The following SCHIP1 variants were observed in gnomAD, a reference collection of about 807,000 sequenced individuals.
The protein encoded by SCHIP1 is schwannomin-interacting protein 1.
In SCHIP1, 8 loss-of-function variants were observed where a neutral mutation model predicts 29.7. That is an observed-to-expected ratio of 0.27 (90% confidence interval 0.16 to 0.49). SCHIP1 has a LOEUF of 0.49. Ranked by LOEUF, SCHIP1 falls within the 20% of genes least tolerant of loss-of-function variation. The probability of loss-of-function intolerance (pLI) is 0.99; values close to 1 mark genes in which losing one functional copy is unlikely to be tolerated. For missense variants in SCHIP1, 193 were observed against 294.6 expected (o/e 0.66, Z 2.52); for synonymous variants, 76 against 94.9 (o/e 0.80, Z 1.16).
chr3:159,587,414 C>A, the SCHIP1 span, among the ~76,000 whole-genome samples: 31,023 of 151,600 alleles, frequency 0.2, 8,625 homozygotes, highest in African/African-American at 0.63. Flanking sequence ...TACCCAGAGG[C>A]AATCACTGCT....
the SCHIP1 span, among the ~76,000 whole-genome samples, chr3:159,704,884 C>CTTTCTTTCTTTCTTTA: frequency 2.5e-5 from 2 of 81,484 alleles, no homozygotes; most frequent in Non-Finnish European, 4.3e-5. Context: ...TTCTTTCTTT[C>CTTTCTTTCTTTCTTTA]TTTCTTTCTT....
the SCHIP1 span, among the ~76,000 whole-genome samples, chr3:159,790,417 G>A: frequency 6.6e-6 from 1 of 152,218 alleles, no homozygotes; most frequent in Non-Finnish European, 1.5e-5. Flanking sequence ...CCAGCTGGGT[G>A]CAGTGGCTCA....
At chr3:159,462,949 A>G in the SCHIP1 span, among the ~76,000 whole-genome samples, 2 of 152,162 alleles carry the variant, frequency 1.3e-5, no homozygotes, top group Non-Finnish European at 2.9e-5. Context: ...AGTATGGTAC[A>G]TGCAGTTGTT....
the SCHIP1 span, among the ~76,000 whole-genome samples, chr3:159,301,763 G>T: frequency 6.6e-6 from 1 of 152,032 alleles, no homozygotes; most frequent in African/African-American, 2.4e-5. Context: ...AAGTTTTCTG[G>T]GGCCTCCCCA....
chr3:159,620,292 T>C, the SCHIP1 span, among the ~76,000 whole-genome samples: 4 of 152,232 alleles, frequency 2.6e-5, no homozygotes, highest in Non-Finnish European at 5.9e-5. Flanking sequence ...CCACTGAGTG[T>C]TGCATATTTA....
At chr3:159,386,564 A>G in the SCHIP1 span, among the ~76,000 whole-genome samples, 2 of 144,134 alleles carry the variant, frequency 1.4e-5, no homozygotes, top group African/African-American at 5.0e-5. Context: ...ATATGGAACC[A>G]AAAAAGAGCC....
At chr3:159,635,601 A>G in the SCHIP1 span, among the ~76,000 whole-genome samples, 3 of 152,148 alleles carry the variant, frequency 2.0e-5, no homozygotes, top group Non-Finnish European at 2.9e-5. Context: ...CCTCTGGATG[A>G]GTATATGAAT....
At chr3:159,293,344 A>C in the SCHIP1 span, among the ~76,000 whole-genome samples, 10 of 152,202 alleles carry the variant, frequency 6.6e-5, no homozygotes, top group Non-Finnish European at 1.2e-4. Context: ...ATCTATTTTC[A>C]AAAAGGGCTG....
chr3:159,396,617 A>C, the SCHIP1 span, among the ~76,000 whole-genome samples: 1 of 151,938 alleles, frequency 6.6e-6, no homozygotes, highest in African/African-American at 2.4e-5. Context: ...TGGGTTGAAA[A>C]TTCTTTTCTT....
chr3:159,780,879 C>T, the SCHIP1 span, among the ~76,000 whole-genome samples: 1 of 152,216 alleles, frequency 6.6e-6, no homozygotes, highest in Non-Finnish European at 1.5e-5. Flanking sequence ...CGTCTAGCTG[C>T]ATCCACAGGT....
the SCHIP1 span, among the ~76,000 whole-genome samples, chr3:159,526,432 G>C: frequency 6.6e-6 from 1 of 152,116 alleles, no homozygotes; most frequent in African/African-American, 2.4e-5. Flanking sequence ...GCCTCCTAAA[G>C]TGTTGGGATT....
chr3:159,866,367 C>T, intron 2 of SCHIP1, 86 bp downstream of exon 3: 2 of 1,335,732 alleles, frequency 1.5e-6, no homozygotes, highest in Non-Finnish European at 2.1e-6. Flanking sequence ...GCCTTTAAAT[C>T]TTCTGTAGTT....
the SCHIP1 span, among the ~76,000 whole-genome samples, chr3:159,788,191 A>G: frequency 6.6e-6 from 1 of 152,170 alleles, no homozygotes; most frequent in Admixed American, 6.5e-5. Flanking sequence ...GTCTGCTCCC[A>G]TCTCTCAGGA....
the SCHIP1 span, among the ~76,000 whole-genome samples, chr3:159,400,952 A>G: frequency 1.7e-3 from 259 of 152,262 alleles, no homozygotes; most frequent in African/African-American, 5.8e-3. Context: ...CAGTGGCCTC[A>G]TTTGTTAATG....
chr3:159,399,879 T>G, the SCHIP1 span, among the ~76,000 whole-genome samples: 1 of 152,230 alleles, frequency 6.6e-6, no homozygotes, highest in African/African-American at 2.4e-5. Flanking sequence ...GGTCTCACTA[T>G]GTTGCCCAGG....
At chr3:159,587,507 A>C in the SCHIP1 span, among the ~76,000 whole-genome samples, 2 of 152,210 alleles carry the variant, frequency 1.3e-5, no homozygotes, top group African/African-American at 2.4e-5. Flanking sequence ...TCTAGGGTAC[A>C]CGTGCACAAC....
intron 1 of SCHIP1, among the ~76,000 whole-genome samples, chr3:159,852,038 G>A (rs1712715988): frequency 6.6e-6 from 1 of 152,186 alleles, no homozygotes; most frequent in Admixed American, 6.5e-5. Flanking sequence ...TATAGAAGTA[G>A]GGCTATTATA....
At chr3:159,737,727 A>G in the SCHIP1 span, among the ~76,000 whole-genome samples, 1 of 152,240 alleles carries the variant, frequency 6.6e-6, no homozygotes, top group African/African-American at 2.4e-5. Context: ...TACTCTTTCC[A>G]TGATTCCAGG....
At chr3:159,509,422 A>G in the SCHIP1 span, among the ~76,000 whole-genome samples, 1 of 152,130 alleles carries the variant, frequency 6.6e-6, no homozygotes, top group African/African-American at 2.4e-5. Context: ...TCTTTATCCA[A>G]TTTGCCAGTA....
Sources: allele counts gnomAD v4.1 joint callset (sites outside exome capture counted in the v4.1 genomes callset), GRCh38; gene constraint gnomAD v4.1.1; transcripts MANE v1.5; gene names NCBI Gene and HGNC (gene_info 2026-07-23, HGNC 2026-07-21).